Variants in CERS4 observed in about 807,000 individuals in gnomAD.
CERS4 encodes the protein ceramide synthase 4.
CERS4 carries 65 observed loss-of-function variants against 51.8 expected under a neutral mutation model. The ratio of observed to expected loss-of-function variants is 1.26; its 90% CI spans 1.03 to 1.54. The LOEUF is 1.54. CERS4 is among the 40% of genes most tolerant of loss of function. The probability of loss-of-function intolerance (pLI) is 0.00; values close to 1 mark genes in which losing one functional copy is unlikely to be tolerated. For missense variants in CERS4, 563 were observed against 500.4 expected (o/e 1.13, Z -1.19); for synonymous variants, 228 against 208.4 (o/e 1.09, Z -0.81).
Position 8,211,852 on chromosome 19 carries a change from A to G in CERS4, c.-2+990A>G, listed in dbSNP as rs191960232. ...ATTTGCAGTGAGCCGAGATCGCGCC[A>G]CTGCACTCCAGCCTGGGCAACAAAG... is the stretch of plus-strand genomic sequence containing the variant. On this transcript the variant is annotated intron_variant, in intron 2 of 11. Transcript: ENST00000251363. Among the ~76,000 whole-genome samples, 137 of 146,632 alleles carry G rather than the reference A, an allele frequency of 9.3e-4. 1 individual carries two copies. The East Asian group carries it at 0.023, about 25-fold the overall frequency.
At chr19:8,213,314 C>CTCTT (rs1369655989) in intron 2 of CERS4, among the ~76,000 whole-genome samples, 1 of 152,024 alleles carries the variant, frequency 6.6e-6, no homozygotes, top group Non-Finnish European at 1.5e-5. Context: ...TGCACTCGGC[C>CTCTT]TCTTTCTTTC....
At chr19:8,230,182 T>C (rs1423569428) in intron 2 of CERS4, among the ~76,000 whole-genome samples, 1 of 149,382 alleles carries the variant, frequency 6.7e-6, no homozygotes, top group Non-Finnish European at 1.5e-5. Context: ...AGTTAGACCT[T>C]TTTTTTTCTT....
intron 2 of CERS4, among the ~76,000 whole-genome samples, chr19:8,216,207 C>T (rs536213262): frequency 6.6e-6 from 1 of 151,820 alleles, no homozygotes; most frequent in South Asian, 2.1e-4. Context: ...GGTGAAACCC[C>T]GTCTCTACTA....
chr19:8,230,140 C>T (rs1239153772), intron 2 of CERS4, among the ~76,000 whole-genome samples: 1 of 152,158 alleles, frequency 6.6e-6, no homozygotes, highest in Non-Finnish European at 1.5e-5. Context: ...CATTCTCTTT[C>T]CTTTCTCCTT....
chr19:8,261,838 G>A lies in CERS4; in HGVS notation c.999G>A (p.Lys333=). Residue 333 remains lysine, a synonymous_variant, in exon 11 of 12, where the codon AAG becomes AAA. Transcript: ENST00000251363. ...GCATGCTCTATAGCTTCATGAAGAA[G>A]GGCCAGGTATGGCTGGACCTCCCCG... ...ILRMLYSFMK[K]GQMEKDIRSD... is the part of the protein sequence containing the mutation. 6.2e-7 allele frequency: 1 copy of A among 1,614,182 alleles called. No homozygotes were observed. Among genetic ancestry groups the A allele is most frequent in the Middle Eastern group, 1.6e-4 (1 of 6,062 alleles).
chr19:8,247,445 G>T (rs1296618955), intron 2 of CERS4, among the ~76,000 whole-genome samples: 1 of 151,778 alleles, frequency 6.6e-6, no homozygotes, highest in Non-Finnish European at 1.5e-5. Flanking sequence ...TTTCTCATAG[G>T]GTCTTGCTCT....
chr19:8,257,052 A>G lies in CERS4; in HGVS notation c.716A>G (p.His239Arg). The G allele has an allele frequency of 6.2e-7, 1 of 1,609,526 alleles. No individual in the cohort carries two copies. Among genetic ancestry groups the G allele is most frequent in the Non-Finnish European group, 8.5e-7 (1 of 1,177,258 alleles). The change falls in exon 9 of 12, where the codon CAC becomes CGC. Residue 239 changes from histidine (H) to arginine (R), a missense_variant. Physicochemically the swap from His to Arg is conservative, Grantham distance 29. Transcript: ENST00000251363. Reference protein sequence around the residue: ...LRIGSLVLLLHDSSDYLLEAC... With the variant: ...LRIGSLVLLLRDSSDYLLEAC... ...ATTGGCTCTCTGGTGCTGCTGTTACACGATTCCTCTGACTACCTGCTGGAG... is the reference window on the plus strand; with the variant it reads ...ATTGGCTCTCTGGTGCTGCTGTTACGCGATTCCTCTGACTACCTGCTGGAG...
At chr19:8,248,852 G>A (rs891851469) in intron 2 of CERS4, among the ~76,000 whole-genome samples, 3 of 130,458 alleles carry the variant, frequency 2.3e-5, no homozygotes, top group African/African-American at 3.6e-5. Flanking sequence ...ACAGATCTTT[G>A]GATGGGTGGG....
At chr19:8,249,582 T>C (rs62126447) in intron 2 of CERS4, among the ~76,000 whole-genome samples, 6,277 of 120,960 alleles carry the variant, frequency 0.052, 223 homozygotes, top group Admixed American at 0.092. Context: ...GGAAAGGAAC[T>C]CTGGATTTTT....
At chr19:8,256,546 G>C in intron 7 of CERS4, 72 bp from the exon 8 acceptor site, 1 of 1,396,902 alleles carries the variant, frequency 7.2e-7, no homozygotes, top group Non-Finnish European at 9.9e-7. Context: ...AAACGGAGTG[G>C]GCCCGGAGCC....
At chr19:8,226,141 G>A (rs1170638207) in intron 2 of CERS4, among the ~76,000 whole-genome samples, 1 of 151,962 alleles carries the variant, frequency 6.6e-6, no homozygotes. Context: ...AGGTTGCAGT[G>A]AGCCGAAGTC....
chr19:8,251,740 G>A (rs1041030949), intron 3 of CERS4, among the ~76,000 whole-genome samples: 1 of 151,618 alleles, frequency 6.6e-6, no homozygotes, highest in African/African-American at 2.4e-5. Context: ...GGAGGTGGAG[G>A]TTGCAGTGAG....
intron 9 of CERS4, among the ~76,000 whole-genome samples, chr19:8,257,338 G>A (rs1044515945): frequency 2.6e-5 from 4 of 152,118 alleles, no homozygotes; most frequent in Non-Finnish European, 5.9e-5. Context: ...CTTGGGAGAT[G>A]AGGCCCTGCC....
intron 4 of CERS4, 57 bp downstream of exon 4, chr19:8,254,673 G>A (rs1343915607): frequency 6.8e-7 from 1 of 1,474,944 alleles, no homozygotes; most frequent in African/African-American, 1.4e-5. Context: ...GGGGCGTGGG[G>A]ATGGTGTGTG....
intron 2 of CERS4, among the ~76,000 whole-genome samples, chr19:8,250,278 A>T (rs1369004096): frequency 6.6e-6 from 1 of 151,654 alleles, no homozygotes; most frequent in Non-Finnish European, 1.5e-5. Context: ...CCCGGCCACG[A>T]CTCAAGTTTC....
intron 2 of CERS4, among the ~76,000 whole-genome samples, chr19:8,228,132 T>A (rs1174096138): frequency 6.6e-6 from 1 of 152,236 alleles, no homozygotes; most frequent in East Asian, 1.9e-4. Flanking sequence ...AGTGCTGAGA[T>A]GACAGGTGTG....
chr19:8,247,144 C>T (rs1017684815), intron 2 of CERS4, among the ~76,000 whole-genome samples: 3 of 152,140 alleles, frequency 2.0e-5, no homozygotes, highest in South Asian at 2.1e-4. Context: ...CCAGGCTGGG[C>T]GGCAGAGTGA....
rs768629156 is a variant in CERS4, at chr19:8,256,968, T to C, written c.632T>C (p.Ile211Thr). The C allele has an allele frequency of 7.4e-6, 12 of 1,614,046 alleles. No individual in the cohort carries two copies. Among genetic ancestry groups the C allele is most frequent in the Admixed American group, 1.7e-5 (1 of 59,990 alleles). Residue 211 changes from isoleucine (I) to threonine (T), a missense_variant, in exon 9 of 12, where the codon ATA (isoleucine) becomes ACA (threonine). Transcript: ENST00000251363. ...VKRKDFKEQV[I>T]HHFVAVILMT... ...CTGCAGGATTTCAAGGAGCAGGTGA[T>C]ACACCACTTCGTGGCGGTCATCCTG... is the stretch of plus-strand genomic sequence containing the variant.
In CERS4 at chr19:8,230,912, T is replaced by C. The variant is rs538061945; in HGVS notation, c.-2+20050T>C. ...TGGAATGCAGTGGTGCAATCACAGC[T>C]CACTGCAGCCTCAACCTCTTGGGCT... is the stretch of plus-strand genomic sequence containing the variant. On this transcript the variant is annotated intron_variant, in intron 2 of 11. Coordinates refer to ENST00000251363, the MANE Select transcript of CERS4 (RefSeq NM_024552.3). Among the ~76,000 whole-genome samples the C allele has an allele frequency of 2.0e-5, 3 of 152,316 alleles. No homozygotes were observed. The East Asian group carries it at 5.8e-4, about 29-fold the overall frequency.
Sources: gnomAD v4.1 joint callset for allele counts (sites outside exome capture counted in the v4.1 genomes callset) on GRCh38, gnomAD v4.1.1 for gene constraint, MANE v1.5 for transcripts, NCBI Gene and HGNC (gene_info 2026-07-23, HGNC 2026-07-21) for gene names.